The following XPNPEP3 variants were observed in gnomAD, a reference collection of about 807,000 sequenced individuals.
XPNPEP3 encodes the protein X-prolyl aminopeptidase 3, also known as xaa-Pro aminopeptidase 3.
In XPNPEP3, 41 loss-of-function variants were observed where a neutral mutation model predicts 60.0. That is an observed-to-expected ratio of 0.68 (90% CI 0.53 to 0.89). The LOEUF is 0.89. XPNPEP3 is among the 40% of genes least tolerant of loss of function. The pLI is 0.00. For synonymous variants in XPNPEP3, 212 were observed against 223.2 expected (o/e 0.95, Z 0.45); for missense variants, 598 against 638.9 (o/e 0.94, Z 0.69).
At chr22:40,921,376 AATGTATGC>A (rs1188123704) in intron 7 of XPNPEP3, among the ~76,000 whole-genome samples, 1 of 152,070 alleles carries the variant, frequency 6.6e-6, no homozygotes, top group Admixed American at 6.6e-5. Context: ...GTACCGTTCA[AATGTATGC>A]ATTTTAGTGT....
intron 4 of XPNPEP3, among the ~76,000 whole-genome samples, chr22:40,891,130 C>T (rs2058086510): frequency 6.7e-6 from 1 of 148,690 alleles, no homozygotes; most frequent in South Asian, 2.1e-4. Context: ...ATCACTTGAG[C>T]CCAGGAGTTT....
At chr22:40,866,197 T>A (rs2057977877) in intron 1 of XPNPEP3, among the ~76,000 whole-genome samples, 1 of 152,184 alleles carries the variant, frequency 6.6e-6, no homozygotes, top group Non-Finnish European at 1.5e-5. Flanking sequence ...CATTGACTTT[T>A]AACTTCAAAA....
At chr22:40,907,293 C>T (rs528837150) in intron 4 of XPNPEP3, 192 of 417,020 alleles carry the variant, frequency 4.6e-4, no homozygotes, top group African/African-American at 3.3e-3. Flanking sequence ...TGGTGGCGGG[C>T]GCCTGTAGTC....
At chr22:40,887,227 G>A (rs1044272354) in intron 4 of XPNPEP3, among the ~76,000 whole-genome samples, 2 of 152,056 alleles carry the variant, frequency 1.3e-5, no homozygotes, top group Non-Finnish European at 2.9e-5. Flanking sequence ...TGAAAGTAAG[G>A]ATATATATCA....
intron 3 of XPNPEP3, among the ~76,000 whole-genome samples, chr22:40,885,451 A>G (rs902551869): frequency 2.0e-5 from 3 of 152,364 alleles, no homozygotes; most frequent in Non-Finnish European, 2.9e-5. Flanking sequence ...AAGAGAATGT[A>G]TAGCAGATGC....
At chr22:40,878,272 G>C (rs1027437097) in intron 2 of XPNPEP3, among the ~76,000 whole-genome samples, 7 of 151,742 alleles carry the variant, frequency 4.6e-5, no homozygotes, top group Non-Finnish European at 8.8e-5. Flanking sequence ...TAGAAGTTTA[G>C]AAGCATTTAC....
rs1408889729 is a variant in XPNPEP3, at chr22:40,862,061, C to CT, written c.64+4817dup. 4.6e-6 allele frequency: 7 copies of CT among 1,526,470 alleles called. No individual in the cohort carries two copies. In the Admixed American group the frequency reaches 1.6e-4, roughly 34 times the overall value. 94.6% of individuals were successfully genotyped at this position (1,526,470 alleles called of 1,614,324 possible). On this transcript the variant is annotated intron_variant, in intron 1 of 9. Coordinates refer to ENST00000357137, the MANE Select transcript of XPNPEP3 (RefSeq NM_022098.4). ...AACCGTGGTTTCCTCAGCTCAGGCT[C>CT]TGCTGGTGGTGGTGATAGAGGTAGT...
intron 1 of XPNPEP3, among the ~76,000 whole-genome samples, chr22:40,867,095 A>G (rs1277328922): frequency 6.6e-6 from 1 of 152,188 alleles, no homozygotes; most frequent in African/African-American, 2.4e-5. Flanking sequence ...GGGAGATGAA[A>G]AGATTAGGAA....
Position 40,914,316 on chromosome 22 carries a change from C to CAATGGCAG in XPNPEP3, c.1048_1055dup (p.Phe353MetfsTer16). On this transcript the variant is annotated frameshift_variant, in exon 7 of 10. Transcript: ENST00000357137. LOFTEE classifies it high-confidence loss of function. ...GTGACATCACACGTACGTGGCCAGT[C>CAATGGCAG]AATGGCAGGTAGGGCTTCTACAGAG... 6.2e-7 allele frequency: 1 copy of CAATGGCAG among 1,613,756 alleles called. No homozygotes were observed. The highest frequency in any genetic ancestry group is 1.1e-5 in the South Asian group (1 of 91,060).
rs754819262 is a variant in XPNPEP3 at position 40,857,251 on chromosome 22, A to C, written c.64+6A>C. On this transcript the variant is annotated splice_donor_region_variant and intron_variant, in intron 1 of 9. Coordinates refer to ENST00000357137, the MANE Select transcript of XPNPEP3 (RefSeq NM_022098.4). Reference sequence around the variant, plus strand: ...AAACGTCCGCGGCCTCTCAGGTTAGACTCTTCTCCCACGGTCTCCTCCCAT... The same window carrying C: ...AAACGTCCGCGGCCTCTCAGGTTAGCCTCTTCTCCCACGGTCTCCTCCCAT... The C allele has an allele frequency of 3.3e-5, 53 of 1,613,864 alleles. No individual in the cohort carries two copies. Among genetic ancestry groups the C allele is most frequent in the Non-Finnish European group, 4.5e-5 (53 of 1,179,948 alleles).
chr22:40,880,616 A>G (rs2058043633), intron 2 of XPNPEP3, among the ~76,000 whole-genome samples: 1 of 151,898 alleles, frequency 6.6e-6, no homozygotes, highest in Admixed American at 6.6e-5. Context: ...TATTACATTT[A>G]TCTACAACTG....
chr22:40,916,078 A>T (rs1299914445), intron 7 of XPNPEP3, among the ~76,000 whole-genome samples: 1 of 152,088 alleles, frequency 6.6e-6, no homozygotes, highest in Non-Finnish European at 1.5e-5. Context: ...AGATTACTTG[A>T]AGTCAGGAGT....
chr22:40,931,147 G>A lies in XPNPEP3; in HGVS notation c.*4712G>A, dbSNP rs972860690. 1 of 151,962 alleles carries A rather than the reference G, an allele frequency of 6.6e-6. No individual in the cohort carries two copies. The highest frequency in any genetic ancestry group is 6.6e-5 in the Admixed American group (1 of 15,232). The allele number at this position is 151,962 out of a possible 1,614,324, so 9.4% of individuals were successfully genotyped here. ...CAGGTGTGAGCCACCGTGCCCAGCCGAGCCTTTAGTTCTAAGTATAATAAA... is the reference window on the plus strand; with the variant it reads ...CAGGTGTGAGCCACCGTGCCCAGCCAAGCCTTTAGTTCTAAGTATAATAAA... On this transcript the variant is annotated 3_prime_UTR_variant, in exon 10 of 10. Transcript: ENST00000357137.
At position 40,930,067 on chromosome 22, in the gene XPNPEP3, G is replaced by A. The variant is rs944171559; in HGVS notation, c.*3632G>A. 2 of 150,720 alleles carry A rather than the reference G, an allele frequency of 1.3e-5. No individual in the cohort carries two copies. Among genetic ancestry groups the A allele is most frequent in the African/African-American group, 4.9e-5 (2 of 41,090 alleles). 9.3% of individuals were successfully genotyped at this position (150,720 alleles called of 1,614,324 possible). On this transcript the variant is annotated 3_prime_UTR_variant, in exon 10 of 10. Coordinates refer to ENST00000357137, the MANE Select transcript of XPNPEP3 (RefSeq NM_022098.4). ...GTAAAAAGTGAATAAGATAAATTCAGAGTTTTAAGGTAAAGGCTTTATATT... is the reference window on the plus strand; with the variant it reads ...GTAAAAAGTGAATAAGATAAATTCAAAGTTTTAAGGTAAAGGCTTTATATT...
At chr22:40,869,826 T>C (rs2145775475) in intron 2 of XPNPEP3, among the ~76,000 whole-genome samples, 1 of 152,350 alleles carries the variant, frequency 6.6e-6, no homozygotes, top group South Asian at 2.1e-4. Flanking sequence ...GAGAGGAAGG[T>C]AGGGTAAAAG....
chr22:40,890,609 A>G (rs1293067450), intron 4 of XPNPEP3, among the ~76,000 whole-genome samples: 3 of 152,026 alleles, frequency 2.0e-5, no homozygotes, highest in Non-Finnish European at 4.4e-5. Flanking sequence ...GCTCACGCCT[A>G]TAATCCCAAC....
intron 3 of XPNPEP3, among the ~76,000 whole-genome samples, chr22:40,884,692 C>T (rs1171192618): frequency 6.6e-6 from 1 of 151,562 alleles, no homozygotes; most frequent in African/African-American, 2.4e-5. Flanking sequence ...TGATTTCATA[C>T]ACTTTGAACG....
intron 9 of XPNPEP3, 33 bp downstream of exon 9, chr22:40,924,515 T>TA: frequency 6.2e-7 from 1 of 1,613,224 alleles, no homozygotes; most frequent in Non-Finnish European, 8.5e-7. Context: ...TAGTATGAGG[T>TA]AAATGTTTGT....
At chr22:40,862,418 C>G (rs1056249841) in intron 1 of XPNPEP3, 1 of 988,876 alleles carries the variant, frequency 1.0e-6, no homozygotes. Context: ...TAATTGCTTC[C>G]CAGCTCTTCT....
Sources: allele counts gnomAD v4.1 joint callset (sites outside exome capture counted in the v4.1 genomes callset), GRCh38; gene constraint gnomAD v4.1.1; transcripts MANE v1.5; gene names NCBI Gene and HGNC (gene_info 2026-07-23, HGNC 2026-07-21).